DGKG: variants seen among roughly 807,000 people sequenced by gnomAD.
The protein encoded by DGKG is DAG kinase gamma.
A neutral mutation model predicts 105.3 loss-of-function variants in DGKG; 78 were observed. The ratio of observed to expected loss-of-function variants is 0.74; its 90% CI spans 0.62 to 0.89. The LOEUF (loss-of-function observed/expected upper bound fraction) is 0.89, where lower values mean the gene tolerates loss of function less well. Ranked by LOEUF, DGKG falls within the 40% of genes least tolerant of loss-of-function variation. The pLI, the probability that DGKG is intolerant of heterozygous loss-of-function variation, is 0.00. For synonymous variants in DGKG, 346 were observed against 367.1 expected, an observed-to-expected ratio of 0.94 and a Z score of 0.66; for missense variants, 958 against 1,020.1, an observed-to-expected ratio of 0.94 and a Z score of 0.83.
intron 9 of DGKG, among the ~76,000 whole-genome samples, chr3:186,277,031 C>G (rs1378366893): frequency 6.6e-6 from 1 of 152,204 alleles, no homozygotes; most frequent in Non-Finnish European, 1.5e-5. Context: ...CTCATTACCT[C>G]AAACCCTGCT....
In DGKG at chr3:186,150,152, T is replaced by C; in HGVS notation, c.2314A>G (p.Met772Val). The change falls in exon 25 of 25, where the codon ATG (methionine) becomes GTG (valine). Residue 772 changes from methionine to valine, a missense_variant. Around this residue, in one of 2 missense-constraint regions of DGKG, gnomAD observed 315 missense variants for 400.6 expected, o/e 0.79. Coordinates refer to ENST00000265022, the MANE Select transcript of DGKG (RefSeq NM_001346.3). The stretch of plus-strand genomic sequence containing the variant: ...AAGCTGCTCTTCTGGGGAGGCCCCA[T>C]CATCATGGGCGCTTGGTTCTTGTGA... ...ITHKNQAPMM[M>V]GPPQKSSFFS... 6.2e-7 allele frequency: 1 copy of C among 1,613,594 alleles called. No homozygotes were observed. Among genetic ancestry groups the C allele is most frequent in the South Asian group, 1.1e-5 (1 of 90,924 alleles).
intron 1 of DGKG, among the ~76,000 whole-genome samples, chr3:186,322,135 A>C (rs973395478): frequency 2.6e-5 from 4 of 152,154 alleles, no homozygotes; most frequent in African/African-American, 9.7e-5. Flanking sequence ...GCCATCTTTA[A>C]ATATTGAAAT....
intron 22 of DGKG, among the ~76,000 whole-genome samples, chr3:186,183,504 TGG>T (rs11360636): frequency 4.0e-5 from 6 of 151,754 alleles, no homozygotes; most frequent in Non-Finnish European, 5.9e-5. Context: ...GAACCTTTCT[TGG>T]GGGGGGGCGG....
At chr3:186,300,312 A>G (rs1213331687) in intron 3 of DGKG, among the ~76,000 whole-genome samples, 1 of 151,950 alleles carries the variant, frequency 6.6e-6, no homozygotes, top group African/African-American at 2.4e-5. Flanking sequence ...TTCCTTTCAA[A>G]TTTCTCCAAA....
intron 22 of DGKG, 82 bp downstream of exon 22, chr3:186,188,120 C>A: frequency 6.6e-7 from 1 of 1,519,634 alleles, no homozygotes; most frequent in Non-Finnish European, 9.0e-7. Context: ...GCTGTGGGGC[C>A]TTACGAGGCC....
At chr3:186,268,478 C>T (rs1027029229) in intron 12 of DGKG, among the ~76,000 whole-genome samples, 9 of 152,178 alleles carry the variant, frequency 5.9e-5, no homozygotes, top group Non-Finnish European at 1.0e-4. Context: ...TCAGTGTCCC[C>T]GGCCCTAGGT....
At chr3:186,342,334 C>T (rs1726129066) in intron 1 of DGKG, among the ~76,000 whole-genome samples, 1 of 152,134 alleles carries the variant, frequency 6.6e-6, no homozygotes, top group Non-Finnish European at 1.5e-5. Context: ...TTTCTACAGG[C>T]CGCTTGGCCA....
At chr3:186,329,186 C>T (rs993040899) in intron 1 of DGKG, among the ~76,000 whole-genome samples, 4 of 152,142 alleles carry the variant, frequency 2.6e-5, no homozygotes, top group African/African-American at 9.7e-5. Flanking sequence ...TATTGTCTGA[C>T]TTGGGTAGGA....
chr3:186,269,815 G>A (rs1722232849), intron 11 of DGKG, among the ~76,000 whole-genome samples: 1 of 152,202 alleles, frequency 6.6e-6, no homozygotes, highest in South Asian at 2.1e-4. Context: ...GACCACCAGG[G>A]CAGGCTAGGC....
At chr3:186,291,877 A>C (rs1723326391) in intron 5 of DGKG, among the ~76,000 whole-genome samples, 1 of 152,192 alleles carries the variant, frequency 6.6e-6, no homozygotes, top group Admixed American at 6.5e-5. Context: ...CACTTAAAAC[A>C]TGCAATTTTT....
chr3:186,299,055 G>A (rs1045356100), intron 3 of DGKG, among the ~76,000 whole-genome samples: 1 of 152,216 alleles, frequency 6.6e-6, no homozygotes, highest in African/African-American at 2.4e-5. Flanking sequence ...GAGCAGCTAT[G>A]CCAGAAAGGG....
intron 3 of DGKG, among the ~76,000 whole-genome samples, chr3:186,300,212 T>G (rs2268821): frequency 0.54 from 81,652 of 152,020 alleles, 22,900 homozygotes; most frequent in Non-Finnish European, 0.62. Context: ...TCTCCAGCAT[T>G]TTCTTTTCAT....
chr3:186,313,687 G>A (rs1012397936), intron 2 of DGKG: 1 of 175,206 alleles, frequency 5.7e-6, no homozygotes, highest in Non-Finnish European at 1.1e-5. Flanking sequence ...GGAGATTCAT[G>A]TGTACATTAA....
chr3:186,188,613 C>T (rs190882060), intron 21 of DGKG, among the ~76,000 whole-genome samples: 7 of 152,232 alleles, frequency 4.6e-5, no homozygotes, highest in Admixed American at 1.3e-4. Flanking sequence ...CCGGGGAATA[C>T]AGTACAGGCT....
chr3:186,251,490 T>C (rs555741238), intron 19 of DGKG, among the ~76,000 whole-genome samples: 1 of 152,318 alleles, frequency 6.6e-6, no homozygotes, highest in African/African-American at 2.4e-5. Flanking sequence ...GGAGAAAATA[T>C]GTCTTTTGAA....
At chr3:186,319,420 C>G (rs1197647471) in intron 2 of DGKG, among the ~76,000 whole-genome samples, 1 of 152,174 alleles carries the variant, frequency 6.6e-6, no homozygotes, top group African/African-American at 2.4e-5. Flanking sequence ...TAGACCAGCG[C>G]TGGGGACAAG....
At chr3:186,220,127 G>A (rs1378361063) in intron 20 of DGKG, among the ~76,000 whole-genome samples, 1 of 152,142 alleles carries the variant, frequency 6.6e-6, no homozygotes, top group African/African-American at 2.4e-5. Context: ...GTTACTGCTT[G>A]GTAACCAGAG....
rs760665571 is a variant in DGKG at position 186,257,908 on chromosome 3, G to C, written c.1456C>G (p.Arg486Gly). The C allele has an allele frequency of 6.2e-7, 1 of 1,614,108 alleles. No individual in the cohort carries two copies. Among genetic ancestry groups the C allele is most frequent in the African/African-American group, 1.3e-5 (1 of 75,030 alleles). ...CCATCTCCACCACAGGCCAAAACAC[G>C]GAAGTCTGGAGTATCACGGAAAAAG... ...LNFFRDTPDFRVLACGGDGTV... is the reference protein window; with the variant it reads ...LNFFRDTPDFGVLACGGDGTV... The change falls in exon 17 of 25, where the codon CGT becomes GGT. Residue 486 changes from arginine to glycine, a missense_variant. By Grantham distance (125) the Arg-to-Gly change is moderately radical (BLOSUM62 -2). This residue lies in a region of DGKG where 315 missense variants were observed against 400.6 expected (regional missense o/e 0.79). Transcript: ENST00000265022.
chr3:186,149,440 A>G lies in DGKG; in HGVS notation c.*650T>C, dbSNP rs1343461449. The G allele has an allele frequency of 1.0e-6, 1 of 985,368 alleles. No homozygotes were observed. The highest frequency in any genetic ancestry group is 1.7e-5 in the African/African-American group (1 of 57,238). 61.0% of individuals were successfully genotyped at this position (985,368 alleles called of 1,614,324 possible). A position where few individuals can be genotyped will look rare whatever the true frequency, so the allele number is the denominator to read the frequency against. ...CACCAGGAGAAGGTTCCTGGAAAAT[A>G]ACAAGTGCCCACCGACGGCGCAGAA... On this transcript the variant is annotated 3_prime_UTR_variant, in exon 25 of 25. Transcript: ENST00000265022.
Sources: allele counts gnomAD v4.1 joint callset (sites outside exome capture counted in the v4.1 genomes callset), GRCh38; gene constraint gnomAD v4.1.1; regional missense constraint gnomAD v4.1.1; transcripts MANE v1.5; gene names NCBI Gene and HGNC (gene_info 2026-07-23, HGNC 2026-07-21).